Variants in UBE2D2 observed in about 807,000 individuals in gnomAD.
The protein encoded by UBE2D2 is ubiquitin-conjugating enzyme E2 D2.
UBE2D2 carries 2 observed loss-of-function variants against 24.2 expected under a neutral mutation model. The ratio of observed to expected loss-of-function variants is 0.08; its 90% CI spans 0.03 to 0.26. UBE2D2 has a LOEUF of 0.26. Among genes scored for constraint, UBE2D2 ranks in the 10% least tolerant of loss-of-function variants. The probability of loss-of-function intolerance (pLI) is 1.00; values close to 1 mark genes in which losing one functional copy is unlikely to be tolerated. For missense variants in UBE2D2, 44 were observed against 177.6 expected, an observed-to-expected ratio of 0.25 and a Z score of 4.28; for synonymous variants, 58 against 56.5, an observed-to-expected ratio of 1.03 and a Z score of -0.12.
intron 1 of UBE2D2, among the ~76,000 whole-genome samples, chr5:139,569,941 C>T (rs1236990164): frequency 6.6e-6 from 1 of 152,150 alleles, no homozygotes; most frequent in Non-Finnish European, 1.5e-5. Context: ...ATATGATTGG[C>T]AAGGTTGCTC....
intron 2 of UBE2D2, among the ~76,000 whole-genome samples, chr5:139,606,458 C>T (rs772182007): frequency 2.3e-4 from 35 of 152,166 alleles, no homozygotes; most frequent in Admixed American, 5.9e-4. Flanking sequence ...CCACTGCGCC[C>T]GGCCTGTCCC....
chr5:139,617,470 G>A lies in UBE2D2; in HGVS notation c.304+2504G>A, dbSNP rs180974510. ...TGACTGACTGCAACCTCCGCCTCCC[G>A]GGTTCAAGCAATTCTCCTGCCTCAG... On this transcript the variant is annotated intron_variant, in intron 5 of 6. Transcript: ENST00000398733. 5.9e-3 allele frequency among the ~76,000 whole-genome samples: 868 copies of A among 146,770 alleles called. 13 individuals carry two copies. The highest frequency in any genetic ancestry group is 0.018 in the African/African-American group (737 of 39,888).
chr5:139,606,473 A>C (rs1287844700), intron 2 of UBE2D2, among the ~76,000 whole-genome samples: 2 of 151,954 alleles, frequency 1.3e-5, no homozygotes, highest in Non-Finnish European at 2.9e-5. Flanking sequence ...TGTCCCTTTT[A>C]ACCTCAAGGC....
Position 139,532,173 on chromosome 5 carries a change from C to CTT in UBE2D2, c.-64+5575_-64+5576dup, listed in dbSNP as rs552161384. Among the ~76,000 whole-genome samples, 1,260 of 135,798 alleles carry CTT rather than the reference C, an allele frequency of 9.3e-3. 12 individuals are homozygous for CTT. Among genetic ancestry groups the CTT allele is most frequent in the African/African-American group, 0.029 (1,077 of 36,940 alleles). The allele number at this position is 135,798 out of a possible 152,430, so 89.1% of individuals were successfully genotyped here. A position where few individuals can be genotyped will look rare whatever the true frequency, so the allele number is the denominator to read the frequency against. ...ATATTACATCTAGGAATTTATTCTA[C>CTT]TTTTTTTTTTTTTTTGGGGGGGACA... On this transcript the variant is annotated intron_variant, in intron 1 of 6. Coordinates refer to the UBE2D2 transcript ENST00000511725.
At chr5:139,615,829 A>ATTTTTTTTTTT (rs200247238) in intron 5 of UBE2D2, among the ~76,000 whole-genome samples, 3 of 95,432 alleles carry the variant, frequency 3.1e-5, no homozygotes, top group Admixed American at 1.2e-4. Context: ...AATAATCTAG[A>ATTTTTTTTTTT]TTTTTTTTTT....
At chr5:139,605,448 C>T (rs563404925) in intron 2 of UBE2D2, among the ~76,000 whole-genome samples, 4 of 151,666 alleles carry the variant, frequency 2.6e-5, no homozygotes, top group Admixed American at 6.6e-5. Context: ...AAAAATTAGC[C>T]GGGCTTGGTG....
intron 1 of UBE2D2, among the ~76,000 whole-genome samples, chr5:139,552,162 AC>A (rs1358708445): frequency 4.7e-5 from 7 of 150,238 alleles, no homozygotes; most frequent in Non-Finnish European, 1.0e-4. Context: ...CTAATAGCTA[AC>A]TTTTTTTTTT....
intron 1 of UBE2D2, among the ~76,000 whole-genome samples, chr5:139,581,439 A>G (rs577715824): frequency 6.6e-6 from 1 of 151,588 alleles, no homozygotes; most frequent in African/African-American, 2.4e-5. Context: ...ACAGAGCAAG[A>G]CTCCGTCTCA....
upstream of UBE2D2, among the ~76,000 whole-genome samples, chr5:139,556,919 C>T (rs1441330726): frequency 1.3e-5 from 2 of 151,660 alleles, no homozygotes; most frequent in African/African-American, 2.4e-5. Context: ...ACTGCAACCT[C>T]TGCCTCCCGG....
chr5:139,592,484 G>A (rs1753864569), intron 1 of UBE2D2, among the ~76,000 whole-genome samples: 2 of 152,010 alleles, frequency 1.3e-5, no homozygotes, highest in African/African-American at 2.4e-5. Flanking sequence ...GTGGGGTAGA[G>A]CCTGTGAATT....
chr5:139,610,551 A>T (rs912560111), intron 2 of UBE2D2, among the ~76,000 whole-genome samples: 1 of 149,020 alleles, frequency 6.7e-6, no homozygotes, highest in African/African-American at 2.5e-5. Flanking sequence ...AAAAAAAAAT[A>T]TATTTTTTTT....
chr5:139,549,430 G>A (rs952733535), intron 1 of UBE2D2, among the ~76,000 whole-genome samples: 5 of 152,196 alleles, frequency 3.3e-5, no homozygotes, highest in Admixed American at 6.5e-5. Flanking sequence ...TGGCGGCCCC[G>A]CACTCCGAGC....
chr5:139,600,491 A>G, intron 2 of UBE2D2, 56 bp downstream of exon 2: 1 of 1,578,790 alleles, frequency 6.3e-7, no homozygotes, highest in Non-Finnish European at 8.7e-7. Context: ...ATTTTGTGTG[A>G]AGAAACAATT....
intron 1 of UBE2D2, among the ~76,000 whole-genome samples, chr5:139,532,190 G>C (rs188507923): frequency 0.02 from 2,927 of 145,748 alleles, 45 homozygotes; most frequent in Non-Finnish European, 0.03. Context: ...TTTTTTTTTG[G>C]GGGGGACAGA....
intron 1 of UBE2D2, among the ~76,000 whole-genome samples, chr5:139,542,570 C>T (rs566047661): frequency 6.6e-6 from 1 of 152,126 alleles, no homozygotes. Flanking sequence ...ATCAGCCTGC[C>T]TCAGCCTCCC....
intron 5 of UBE2D2, among the ~76,000 whole-genome samples, chr5:139,615,769 A>C (rs1036707451): frequency 6.6e-6 from 1 of 151,394 alleles, no homozygotes; most frequent in Non-Finnish European, 1.5e-5. Context: ...TTGATTTGAA[A>C]TTGTACAACC....
intron 5 of UBE2D2, among the ~76,000 whole-genome samples, chr5:139,617,801 T>G (rs2126704982): frequency 6.6e-6 from 1 of 152,132 alleles, no homozygotes; most frequent in East Asian, 1.9e-4. Flanking sequence ...GGAACAATAA[T>G]ACATATTTCA....
chr5:139,563,934 A>C (rs1169522948), intron 1 of UBE2D2, among the ~76,000 whole-genome samples: 2 of 147,020 alleles, frequency 1.4e-5, no homozygotes, highest in African/African-American at 5.2e-5. Context: ...ACTCCCTTTC[A>C]AAAAAAAAAG....
At chr5:139,581,121 A>G (rs1008705589) in intron 1 of UBE2D2, among the ~76,000 whole-genome samples, 2 of 152,114 alleles carry the variant, frequency 1.3e-5, no homozygotes, top group African/African-American at 2.4e-5. Flanking sequence ...GAGTGTTCCT[A>G]TAGTCCTGGA....
Sources: allele counts gnomAD v4.1 joint callset (sites outside exome capture counted in the v4.1 genomes callset), GRCh38; gene constraint gnomAD v4.1.1; transcripts MANE v1.5; gene names NCBI Gene and HGNC (gene_info 2026-07-23, HGNC 2026-07-21).